Variants in RBFOX1 observed in about 807,000 individuals in gnomAD.
The protein encoded by RBFOX1 is RNA binding fox-1 homolog 1.
A neutral mutation model predicts 57.7 loss-of-function variants in RBFOX1; 8 were observed. That is an observed-to-expected ratio of 0.14 (90% CI 0.08 to 0.25). The LOEUF is 0.25. Among genes scored for constraint, RBFOX1 ranks in the 10% least tolerant of loss-of-function variants. The pLI is 1.00. For synonymous variants in RBFOX1, 326 were observed against 222.4 expected, an observed-to-expected ratio of 1.47 and a Z score of -4.15; for missense variants, 611 against 548.5, an observed-to-expected ratio of 1.11 and a Z score of -1.14.
chr16:7,084,799 TC>T (rs2059731457), intron 4 of RBFOX1, among the ~76,000 whole-genome samples: 1 of 152,178 alleles, frequency 6.6e-6, no homozygotes, highest in African/African-American at 2.4e-5. Context: ...GTGTTCATAT[TC>T]CCCCCTCTCT....
intron 6 of RBFOX1, among the ~76,000 whole-genome samples, chr16:7,584,627 G>A (rs1372928082): frequency 6.6e-6 from 1 of 152,160 alleles, no homozygotes; most frequent in African/African-American, 2.4e-5. Flanking sequence ...GAGAAACTTT[G>A]TGTGGATTTG....
At chr16:7,049,819 C>T (rs35097290) in intron 3 of RBFOX1, among the ~76,000 whole-genome samples, 11,348 of 152,140 alleles carry the variant, frequency 0.075, 680 homozygotes, top group East Asian at 0.29. Flanking sequence ...TGTCAAGAAC[C>T]GAAACCTCAC....
At chr16:7,172,378 C>G (rs1474193353) in intron 4 of RBFOX1, among the ~76,000 whole-genome samples, 1 of 152,078 alleles carries the variant, frequency 6.6e-6, no homozygotes, top group Non-Finnish European at 1.5e-5. Context: ...GTAAATCTTC[C>G]CACTAGTGTG....
At chr16:5,791,320 A>C (rs1478048833) in intron 3 of RBFOX1, among the ~76,000 whole-genome samples, 1 of 152,224 alleles carries the variant, frequency 6.6e-6, no homozygotes, top group African/African-American at 2.4e-5. Flanking sequence ...ATGCAATGCT[A>C]TTAATAATTA....
At chr16:6,517,580 T>C (rs1261270326) in intron 2 of RBFOX1, among the ~76,000 whole-genome samples, 1 of 152,130 alleles carries the variant, frequency 6.6e-6, no homozygotes, top group Non-Finnish European at 1.5e-5. Flanking sequence ...AATTTAGAAA[T>C]GCTTTGTGTT....
At chr16:6,572,062 A>C (rs1218025420) in intron 2 of RBFOX1, among the ~76,000 whole-genome samples, 2 of 152,170 alleles carry the variant, frequency 1.3e-5, no homozygotes, top group African/African-American at 4.8e-5. Flanking sequence ...AAATAATAAA[A>C]AGTGGATTTT....
intron 1 of RBFOX1, among the ~76,000 whole-genome samples, chr16:6,039,525 T>C (rs888791047): frequency 2.0e-5 from 3 of 152,070 alleles, no homozygotes; most frequent in African/African-American, 4.8e-5. Flanking sequence ...AGGATTTTTT[T>C]CCCCTCTCAT....
At chr16:6,332,401 T>C (rs1240953244) in intron 2 of RBFOX1, among the ~76,000 whole-genome samples, 5 of 152,138 alleles carry the variant, frequency 3.3e-5, no homozygotes, top group Non-Finnish European at 5.9e-5. Context: ...TTTCAGAACA[T>C]ATGAATGCAC....
At chr16:5,515,304 C>A (rs1373175083) in intron 2 of RBFOX1, among the ~76,000 whole-genome samples, 1 of 152,234 alleles carries the variant, frequency 6.6e-6, no homozygotes, top group Non-Finnish European at 1.5e-5. Flanking sequence ...TAGCTGTCAG[C>A]ACTTTGGGGA....
intron 2 of RBFOX1, among the ~76,000 whole-genome samples, chr16:6,588,552 T>A (rs1271823387): frequency 6.6e-6 from 1 of 152,050 alleles, no homozygotes; most frequent in East Asian, 1.9e-4. Context: ...CTCTGGAGGC[T>A]GAGGCTGGAG....
intron 2 of RBFOX1, among the ~76,000 whole-genome samples, chr16:5,486,616 C>T (rs1182449042): frequency 6.6e-6 from 1 of 152,172 alleles, no homozygotes; most frequent in Non-Finnish European, 1.5e-5. Flanking sequence ...CATGCCAGAA[C>T]ATCTCTTTCT....
At chr16:5,592,319 A>G (rs1295019414) in intron 2 of RBFOX1, among the ~76,000 whole-genome samples, 1 of 151,982 alleles carries the variant, frequency 6.6e-6, no homozygotes, top group Admixed American at 6.6e-5. Flanking sequence ...CATGCATACA[A>G]TTATATATGC....
intron 1 of RBFOX1, among the ~76,000 whole-genome samples, chr16:5,422,713 A>G (rs2067379504): frequency 4.1e-5 from 4 of 97,830 alleles, no homozygotes; most frequent in Non-Finnish European, 6.4e-5. Flanking sequence ...GGAAAGAGAA[A>G]GAGGAGGAGG....
At chr16:7,381,903 G>C (rs1308684513) in intron 4 of RBFOX1, among the ~76,000 whole-genome samples, 1 of 152,136 alleles carries the variant, frequency 6.6e-6, no homozygotes, top group Non-Finnish European at 1.5e-5. Context: ...GCCAACTGTA[G>C]TTCTCCCCAC....
At chr16:6,010,759 G>A (rs937588994) in intron 4 of RBFOX1, among the ~76,000 whole-genome samples, 1 of 152,176 alleles carries the variant, frequency 6.6e-6, no homozygotes, top group Non-Finnish European at 1.5e-5. Context: ...TTATGTTCAG[G>A]TTCCAGAATC....
intron 2 of RBFOX1, among the ~76,000 whole-genome samples, chr16:5,561,333 G>A (rs1366791062): frequency 6.6e-6 from 1 of 152,012 alleles, no homozygotes; most frequent in Non-Finnish European, 1.5e-5. Flanking sequence ...TTATAATTAG[G>A]TGTCAGCAAA....
intron 4 of RBFOX1, among the ~76,000 whole-genome samples, chr16:7,247,679 C>G (rs930195497): frequency 2.0e-5 from 3 of 152,224 alleles, no homozygotes; most frequent in South Asian, 4.1e-4. Context: ...TTACACATCT[C>G]TTAATTTAGC....
intron 4 of RBFOX1, among the ~76,000 whole-genome samples, chr16:5,926,134 C>T (rs1424458281): frequency 1.3e-5 from 2 of 152,128 alleles, no homozygotes; most frequent in African/African-American, 2.4e-5. Context: ...GTTATCTCTT[C>T]CAGTGAAAAG....
At chr16:6,605,261 A>G (rs2154015891) in intron 2 of RBFOX1, among the ~76,000 whole-genome samples, 1 of 131,172 alleles carries the variant, frequency 7.6e-6, no homozygotes, top group Non-Finnish European at 1.6e-5. Context: ...TAATGAAACC[A>G]ACACATACAA....
Sources: allele counts gnomAD v4.1 joint callset (sites outside exome capture counted in the v4.1 genomes callset), GRCh38; gene constraint gnomAD v4.1.1; transcripts MANE v1.5; gene names NCBI Gene and HGNC (gene_info 2026-07-23, HGNC 2026-07-21).